SHISA9: variants seen among roughly 807,000 people sequenced by gnomAD.
SHISA9 encodes the protein protein shisa-9.
A neutral mutation model predicts 38.0 loss-of-function variants in SHISA9; 13 were observed. The observed-to-expected ratio is 0.34, with a 90% confidence interval of 0.22 to 0.54. The LOEUF is 0.54. Ranked by LOEUF, SHISA9 falls within the 20% of genes least tolerant of loss-of-function variation. SHISA9 has a pLI of 0.91. For synonymous variants in SHISA9, 275 were observed against 242.0 expected, an observed-to-expected ratio of 1.14 and a Z score of -1.27; for missense variants, 538 against 575.8, an observed-to-expected ratio of 0.93 and a Z score of 0.67.
chr16:12,987,067 T>G (rs2072320656), intron 2 of SHISA9, among the ~76,000 whole-genome samples: 3 of 152,202 alleles, frequency 2.0e-5, no homozygotes, highest in African/African-American at 7.2e-5. Flanking sequence ...GCCGAGGAAC[T>G]GGCACAGGTA....
the SHISA9 span, among the ~76,000 whole-genome samples, chr16:13,306,127 C>A: frequency 1.3e-5 from 2 of 152,062 alleles, no homozygotes; most frequent in African/African-American, 4.8e-5. Flanking sequence ...GAAGATGCTG[C>A]AAACTATGTT....
intron 2 of SHISA9, among the ~76,000 whole-genome samples, chr16:12,961,873 A>G (rs1470741135): frequency 6.6e-6 from 1 of 152,190 alleles, no homozygotes; most frequent in African/African-American, 2.4e-5. Flanking sequence ...CACACCTGCT[A>G]CAGCTGGCCT....
the SHISA9 span, among the ~76,000 whole-genome samples, chr16:13,314,266 T>A: frequency 6.6e-6 from 1 of 152,012 alleles, no homozygotes; most frequent in Non-Finnish European, 1.5e-5. Context: ...CAGGCTGGAG[T>A]GCAATGGCAC....
At chr16:13,462,722 G>C in the SHISA9 span, among the ~76,000 whole-genome samples, 1 of 152,092 alleles carries the variant, frequency 6.6e-6, no homozygotes, top group African/African-American at 2.4e-5. Context: ...AGCAGTTTAG[G>C]AGGCCGAGGC....
At chr16:13,536,098 G>C in the SHISA9 span, among the ~76,000 whole-genome samples, 1 of 151,100 alleles carries the variant, frequency 6.6e-6, no homozygotes, top group African/African-American at 2.4e-5. Context: ...TCCCAGGTTT[G>C]AGCAATTCTC....
At chr16:12,963,750 C>T (rs1210887002) in intron 2 of SHISA9, among the ~76,000 whole-genome samples, 1 of 152,092 alleles carries the variant, frequency 6.6e-6, no homozygotes, top group Non-Finnish European at 1.5e-5. Flanking sequence ...TCTGGCTCTC[C>T]AGTCTAGGTT....
chr16:13,551,195 CACAG>C, the SHISA9 span, among the ~76,000 whole-genome samples: 1 of 151,972 alleles, frequency 6.6e-6, no homozygotes, highest in Non-Finnish European at 1.5e-5. Flanking sequence ...CTTTCTTACA[CACAG>C]ACACACACGT....
intron 2 of SHISA9, among the ~76,000 whole-genome samples, chr16:13,136,255 A>G (rs1182014962): frequency 6.6e-6 from 1 of 152,110 alleles, no homozygotes; most frequent in Non-Finnish European, 1.5e-5. Flanking sequence ...TATTTACCCT[A>G]TAAGGTAGTC....
intron 2 of SHISA9, among the ~76,000 whole-genome samples, chr16:13,114,437 G>A (rs2074010146): frequency 7.2e-6 from 1 of 138,698 alleles, no homozygotes; most frequent in Non-Finnish European, 1.5e-5. Flanking sequence ...CTGCACTCCA[G>A]CCTGGGTGGC....
In SHISA9 at chr16:13,235,086, G is replaced by A. The variant is rs1333231864; in HGVS notation, c.952G>A (p.Ala318Thr). ...GCGACGGCACCTGGCTGAGCTGGCTGCCAAGGGGAACTTACCTCTGCACCC... is the reference window on the plus strand; with the variant it reads ...GCGACGGCACCTGGCTGAGCTGGCTACCAAGGGGAACTTACCTCTGCACCC... ...TKRRHLAELA[A>T]KGNLPLHPVR... is the part of the protein sequence containing the mutation. Residue 318 changes from alanine to threonine, a missense_variant, in exon 5 of 5, where the codon GCC (alanine) becomes ACC (threonine). Physicochemically the swap from Ala to Thr is moderately conservative, Grantham distance 58. Coordinates refer to ENST00000558583, the MANE Select transcript of SHISA9 (RefSeq NM_001145204.3). The A allele has an allele frequency of 6.4e-7, 1 of 1,551,514 alleles. No individual in the cohort carries two copies. Among genetic ancestry groups the A allele is most frequent in the Non-Finnish European group, 8.7e-7 (1 of 1,146,970 alleles).
intron 2 of SHISA9, among the ~76,000 whole-genome samples, chr16:13,003,535 C>T (rs1234414046): frequency 1.3e-5 from 2 of 152,134 alleles, no homozygotes; most frequent in African/African-American, 4.8e-5. Context: ...ATAAAAGCAA[C>T]CTGCAACCAC....
chr16:13,005,014 C>T (rs548056478), intron 2 of SHISA9, among the ~76,000 whole-genome samples: 2 of 135,306 alleles, frequency 1.5e-5, no homozygotes, highest in East Asian at 4.6e-4. Context: ...ATCCATAGAA[C>T]CTGGCTATGG....
chr16:13,420,892 G>A, the SHISA9 span, among the ~76,000 whole-genome samples: 2 of 152,198 alleles, frequency 1.3e-5, no homozygotes, highest in Non-Finnish European at 2.9e-5. Flanking sequence ...CGTAGACATT[G>A]ATTCCACTCA....
the SHISA9 span, among the ~76,000 whole-genome samples, chr16:13,514,430 A>C: frequency 6.6e-6 from 1 of 152,252 alleles, no homozygotes; most frequent in Admixed American, 6.5e-5. Context: ...AGAATTATTT[A>C]GACAAGGATA....
the SHISA9 span, among the ~76,000 whole-genome samples, chr16:13,450,697 G>C: frequency 6.6e-6 from 1 of 152,308 alleles, no homozygotes; most frequent in East Asian, 1.9e-4. Flanking sequence ...CTCAGAGAAG[G>C]TCATGGAATT....
At chr16:13,392,206 C>T in the SHISA9 span, among the ~76,000 whole-genome samples, 1 of 152,094 alleles carries the variant, frequency 6.6e-6, no homozygotes, top group Non-Finnish European at 1.5e-5. Context: ...GTCTTAACTC[C>T]CAGTGCCTTA....
intron 4 of SHISA9, among the ~76,000 whole-genome samples, chr16:13,214,363 A>G (rs540952567): frequency 1.5e-3 from 221 of 152,078 alleles, no homozygotes; most frequent in Non-Finnish European, 2.5e-3. Flanking sequence ...CACCGTGCCC[A>G]GCTAATTTTT....
the SHISA9 span, among the ~76,000 whole-genome samples, chr16:13,470,581 G>C: frequency 5.3e-5 from 8 of 152,050 alleles, no homozygotes; most frequent in Non-Finnish European, 1.0e-4. Flanking sequence ...TCACTACCAC[G>C]AGAAGAAAAT....
At chr16:12,921,321 A>G (rs561298275) in intron 2 of SHISA9, among the ~76,000 whole-genome samples, 1 of 152,270 alleles carries the variant, frequency 6.6e-6, no homozygotes, top group South Asian at 2.1e-4. Context: ...CAGTTCCCAA[A>G]CGGACTTACA....
Sources: allele counts gnomAD v4.1 joint callset (sites outside exome capture counted in the v4.1 genomes callset), GRCh38; gene constraint gnomAD v4.1.1; transcripts MANE v1.5; gene names NCBI Gene and HGNC (gene_info 2026-07-23, HGNC 2026-07-21).